The following C6 variants were observed in gnomAD, a reference collection of about 807,000 sequenced individuals.
C6 encodes complement C6.
In C6, 101 loss-of-function variants were observed where a neutral mutation model predicts 112.9. That is an observed-to-expected ratio of 0.89 (90% CI 0.76 to 1.06). The LOEUF (loss-of-function observed/expected upper bound fraction) is 1.06, where lower values mean the gene tolerates loss of function less well. Ranked by LOEUF, C6 falls within the 50% of genes least tolerant of loss-of-function variation. The pLI, the probability that C6 is intolerant of heterozygous loss-of-function variation, is 0.00. For missense variants in C6, 1,202 were observed against 1,104.6 expected (o/e 1.09, Z -1.25); for synonymous variants, 431 against 384.1 (o/e 1.12, Z -1.43).
chr5:41,186,271 G>C, intron 5 of C6, 63 bp from the exon 6 acceptor site: 1 of 1,571,998 alleles, frequency 6.4e-7, no homozygotes, highest in Non-Finnish European at 8.7e-7. Context: ...ATTTACCTTA[G>C]TTATATGAAA....
At chr5:41,168,027 C>A (rs1011173442) in intron 9 of C6, among the ~76,000 whole-genome samples, 15 of 152,096 alleles carry the variant, frequency 9.9e-5, no homozygotes, top group African/African-American at 3.6e-4. Flanking sequence ...GGAACAAGAG[C>A]CAACACTGTA....
At chr5:41,218,769 T>G (rs1738984905) in intron 1 of C6, among the ~76,000 whole-genome samples, 1 of 152,130 alleles carries the variant, frequency 6.6e-6, no homozygotes, top group Non-Finnish European at 1.5e-5. Flanking sequence ...GAAGCTTGCT[T>G]AAGCCGCATG....
chr5:41,157,377 A>C (rs986953689), intron 13 of C6, among the ~76,000 whole-genome samples: 2 of 152,184 alleles, frequency 1.3e-5, no homozygotes, highest in African/African-American at 4.8e-5. Context: ...GGATCTGCCA[A>C]TATGTGATTT....
chr5:41,176,534 G>A lies in C6; in HGVS notation c.1109C>T (p.Ser370Phe), dbSNP rs774668030. The A allele has an allele frequency of 6.2e-7, 1 of 1,613,814 alleles. No homozygotes were observed. The highest frequency in any genetic ancestry group is 1.1e-5 in the South Asian group (1 of 91,078). Residue 370 changes from serine to phenylalanine, a missense_variant, in exon 8 of 18, where the codon TCC (serine) becomes TTC (phenylalanine). Coordinates refer to ENST00000337836, the MANE Select transcript of C6 (RefSeq NM_000065.5). ...GAGAAGGTCATACACGCCTCCCAGG[G>A]AGCCAGAGGTGAAGTAATGAGTCCC... is the stretch of plus-strand genomic sequence containing the variant. Reference protein sequence around the residue: ...DFGTHYFTSGSLGGVYDLLYQ... With the variant: ...DFGTHYFTSGFLGGVYDLLYQ...
chr5:41,250,898 T>C (rs985616574), intron 1 of C6, among the ~76,000 whole-genome samples: 1 of 152,244 alleles, frequency 6.6e-6, no homozygotes, highest in Non-Finnish European at 1.5e-5. Context: ...TTTAGTGTAA[T>C]GTGAAAAGAT....
rs370790517 is a variant in C6 at position 41,150,004 on chromosome 5, C to A, written c.2312G>T (p.Gly771Val). ...CEKDTLTKLK[G>V]HCQLGQKQSG... ...TTGTTTCTGTCCCAGCTGACAATGGCCTTTTAATTTTGTTAGAGTATCTGA... is the reference window on the plus strand; with the variant it reads ...TTGTTTCTGTCCCAGCTGACAATGGACTTTTAATTTTGTTAGAGTATCTGA... The change falls in exon 16 of 18, where the codon GGC (glycine) becomes GTC (valine). Residue 771 changes from glycine to valine, a missense_variant. Physicochemically the swap from Gly to Val is moderately radical, Grantham distance 109. Coordinates refer to ENST00000337836, the MANE Select transcript of C6 (RefSeq NM_000065.5). 23 of 1,612,038 alleles carry A rather than the reference C, an allele frequency of 1.4e-5. No individual in the cohort carries two copies. In the African/African-American group the frequency reaches 2.7e-4, roughly 19 times the overall value.
intron 9 of C6, among the ~76,000 whole-genome samples, chr5:41,166,647 G>C (rs891339673): frequency 3.3e-5 from 5 of 152,054 alleles, no homozygotes; most frequent in African/African-American, 1.2e-4. Flanking sequence ...TACTGTGGAG[G>C]AAATAGAAAG....
intron 1 of C6, among the ~76,000 whole-genome samples, chr5:41,240,867 G>T (rs1306729489): frequency 6.6e-6 from 1 of 152,142 alleles, no homozygotes; most frequent in African/African-American, 2.4e-5. Context: ...AGTGTGCATG[G>T]GTATAAGGTG....
At chr5:41,216,623 G>T (rs1166676934), upstream of C6, among the ~76,000 whole-genome samples, 1 of 152,000 alleles carries the variant, frequency 6.6e-6, no homozygotes, top group Non-Finnish European at 1.5e-5. Flanking sequence ...AATACATGAG[G>T]CAATTTTATC....
Position 41,203,210 on chromosome 5 carries a change from C to G in C6, c.21G>C (p.Leu7Phe). The G allele has an allele frequency of 6.2e-7, 1 of 1,614,116 alleles. No homozygotes were observed. Among genetic ancestry groups the G allele is most frequent in the South Asian group, 1.1e-5 (1 of 91,084 alleles). MARRSV[L>F]YFILLNALIN... Reference sequence around the variant, plus strand: ...TCAGAGCATTCAGCAGGATGAAGTACAAGACAGAGCGTCTGGCCATGCCTT... The same window carrying G: ...TCAGAGCATTCAGCAGGATGAAGTAGAAGACAGAGCGTCTGGCCATGCCTT... The change falls in exon 2 of 18, where the codon TTG becomes TTC. Residue 7 changes from leucine to phenylalanine, a missense_variant. By Grantham distance (22) the Leu-to-Phe change is conservative (BLOSUM62 0). Transcript: ENST00000337836.
chr5:41,166,207 T>G (rs139739690), intron 9 of C6, among the ~76,000 whole-genome samples: 102 of 152,284 alleles, frequency 6.7e-4, no homozygotes, highest in African/African-American at 2.4e-3. Context: ...ATATGTGGGA[T>G]AGTGACAATA....
At chr5:41,257,215 T>A (rs1299287368) in intron 1 of C6, among the ~76,000 whole-genome samples, 1 of 152,082 alleles carries the variant, frequency 6.6e-6, no homozygotes, top group African/African-American at 2.4e-5. Flanking sequence ...ATTGTTCCCA[T>A]CTTTGTGTCC....
rs759193640 is a variant in C6 at position 41,195,841 on chromosome 5, A to C, written c.538T>G (p.Cys180Gly). ...GGGATGGGATTATACTTCCGTGTGC[A>C]TACTGCCTTTGTCCTCCCACAGTCC... is the stretch of plus-strand genomic sequence containing the variant. ...ERDCGRTKAV[C>G]TRKYNPIPSV... The change falls in exon 5 of 18, where the codon TGC (cysteine) becomes GGC (glycine). Residue 180 changes from cysteine (C) to glycine (G), a missense_variant. Cys to Gly is a radical substitution (Grantham distance 159, BLOSUM62 -3). Transcript: ENST00000337836. 6 of 1,613,860 alleles carry C rather than the reference A, an allele frequency of 3.7e-6. No homozygotes were observed. Among genetic ancestry groups the C allele is most frequent in the South Asian group, 1.1e-5 (1 of 91,096 alleles).
chr5:41,239,156 G>A (rs1740536346), intron 1 of C6, among the ~76,000 whole-genome samples: 1 of 134,396 alleles, frequency 7.4e-6, no homozygotes, highest in African/African-American at 2.8e-5. Context: ...CTGTCGCCCA[G>A]GCTGGAGTGC....
At chr5:41,215,236 G>T (rs1752157522), upstream of C6, among the ~76,000 whole-genome samples, 1 of 152,102 alleles carries the variant, frequency 6.6e-6, no homozygotes, top group Admixed American at 6.6e-5. Context: ...GGCAACAGAG[G>T]CTCTCCAGCC....
At chr5:41,186,327 A>G in intron 5 of C6, 119 bp from the exon 6 acceptor site, 5 of 1,111,396 alleles carry the variant, frequency 4.5e-6, no homozygotes, top group Non-Finnish European at 3.9e-6. Context: ...AATGACTTGA[A>G]GGAATCCCCC....
chr5:41,153,994 C>A lies in C6; in HGVS notation c.2106G>T (p.Thr702=), dbSNP rs367874720. The A allele has an allele frequency of 1.9e-6, 3 of 1,613,230 alleles. No individual in the cohort carries two copies. The highest frequency in any genetic ancestry group is 2.5e-6 in the Non-Finnish European group (3 of 1,179,430). The change falls in exon 15 of 18, where the codon ACG becomes ACT. Residue 702 remains threonine, a synonymous_variant. Coordinates refer to ENST00000337836, the MANE Select transcript of C6 (RefSeq NM_000065.5). The stretch of plus-strand genomic sequence containing the variant: ...CCTGCACAACTGGCTTGATGCACTC[C>A]GTCCCTGCAAGAGAGCAACATTTCA... ...WRQGDVECQR[T]ECIKPVVQEV...
chr5:41,143,910 T>C (rs1745577819), intron 17 of C6, among the ~76,000 whole-genome samples: 1 of 152,216 alleles, frequency 6.6e-6, no homozygotes, highest in Non-Finnish European at 1.5e-5. Context: ...AAAACAATCA[T>C]TTAGAGATAA....
At chr5:41,209,858 A>G (rs532331054) in intron 1 of C6, among the ~76,000 whole-genome samples, 1 of 152,354 alleles carries the variant, frequency 6.6e-6, no homozygotes, top group South Asian at 2.1e-4. Flanking sequence ...CAGAATTGGT[A>G]AAAACTACTT....
Sources: gnomAD v4.1 joint callset for allele counts (sites outside exome capture counted in the v4.1 genomes callset) on GRCh38, gnomAD v4.1.1 for gene constraint, MANE v1.5 for transcripts, NCBI Gene and HGNC (gene_info 2026-07-23, HGNC 2026-07-21) for gene names.